Variants in RERE observed in about 807,000 individuals in gnomAD.
RERE encodes the protein arginine-glutamic acid dipeptide repeats.
RERE carries 40 observed loss-of-function variants against 146.1 expected under a neutral mutation model. That is an observed-to-expected ratio of 0.27 (90% CI 0.21 to 0.36). The LOEUF (loss-of-function observed/expected upper bound fraction) is 0.36. RERE is among the 10% of genes least tolerant of loss of function. The probability of loss-of-function intolerance (pLI) is 1.00; values close to 1 mark genes in which losing one functional copy is unlikely to be tolerated. For synonymous variants in RERE, 1,003 were observed against 866.0 expected, an observed-to-expected ratio of 1.16 and a Z score of -2.78; for missense variants, 1,933 against 2,138.7, an observed-to-expected ratio of 0.90 and a Z score of 1.90.
intron 1 of RERE, among the ~76,000 whole-genome samples, chr1:8,701,195 G>T (rs944415213): frequency 2.0e-5 from 3 of 151,800 alleles, no homozygotes; most frequent in African/African-American, 7.3e-5. Context: ...TACGTTGATG[G>T]GGTTTACCAT....
chr1:8,360,675 G>A lies in RERE; in HGVS notation c.2832C>T (p.Ala944=), dbSNP rs149356659. The stretch of plus-strand genomic sequence containing the variant: ...CCGAGAGGTGGGGAGGGTGCTTGTG[G>A]GCCTGTGGCGCCGGCAGCTGGGGGA... ...TPIPQLPAPQ[A]HKHPPHLSGP... is the part of the protein sequence containing the mutation. The change falls in exon 18 of 23, where the codon GCC becomes GCT. Residue 944 remains alanine (A), a synonymous_variant. Transcript: ENST00000400908. 171 of 1,548,750 alleles carry A rather than the reference G, an allele frequency of 1.1e-4. No individual in the cohort carries two copies. Among genetic ancestry groups the A allele is most frequent in the Non-Finnish European group, 1.4e-4 (162 of 1,148,764 alleles).
rs1641297940 is a variant in RERE at position 8,356,475 on chromosome 1, T to G, written c.4340-229A>C. ...ACGAGCCCACCGCTGATGCAGGCAC[T>G]CCCTCGTCCGCTTGTGGAGTGCCCC... On this transcript the variant is annotated intron_variant, in intron 20 of 22. Transcript: ENST00000400908. This position sits in a 1 kb window ranked among gnomAD's most constrained non-coding sequence, Gnocchi z 5.2. Among the ~76,000 whole-genome samples the G allele has an allele frequency of 6.6e-6, 1 of 152,022 alleles. No individual in the cohort carries two copies. The highest frequency in any genetic ancestry group is 2.4e-5 in the African/African-American group (1 of 41,392).
chr1:8,434,224 A>G (rs1012726405), intron 11 of RERE, among the ~76,000 whole-genome samples: 17 of 152,188 alleles, frequency 1.1e-4, no homozygotes, highest in Non-Finnish European at 1.9e-4. Context: ...CAAGAGTCCA[A>G]CAGCCCCTCA....
chr1:8,366,553 A>C (rs562356866), intron 12 of RERE, among the ~76,000 whole-genome samples: 4 of 152,340 alleles, frequency 2.6e-5, no homozygotes, highest in Admixed American at 2.0e-4. Context: ...CATGCTCAGG[A>C]AACTGCTCCA....
chr1:8,558,616 G>A (rs1285327634), intron 4 of RERE, among the ~76,000 whole-genome samples: 1 of 152,128 alleles, frequency 6.6e-6, no homozygotes, highest in African/African-American at 2.4e-5. Flanking sequence ...AATGAAGGAA[G>A]ATGCTTCCTG....
chr1:8,677,751 G>A (rs1173449800), intron 1 of RERE, among the ~76,000 whole-genome samples: 7 of 152,106 alleles, frequency 4.6e-5, no homozygotes, highest in Admixed American at 3.9e-4. Context: ...ATAATATGAC[G>A]TATCTCATGG....
intron 12 of RERE, among the ~76,000 whole-genome samples, chr1:8,388,543 T>A (rs1642766318): frequency 2.0e-5 from 3 of 152,030 alleles, no homozygotes; most frequent in African/African-American, 7.3e-5. Context: ...ATGGTCTCGA[T>A]CTCCTGACCT....
chr1:8,632,048 C>T (rs1460828179), intron 2 of RERE, among the ~76,000 whole-genome samples: 1 of 152,206 alleles, frequency 6.6e-6, no homozygotes, highest in Non-Finnish European at 1.5e-5. Context: ...AAAAACTATG[C>T]TCTGAACCCT....
intron 7 of RERE, among the ~76,000 whole-genome samples, chr1:8,528,485 A>AT (rs1645597482): frequency 6.6e-6 from 1 of 152,180 alleles, no homozygotes; most frequent in Non-Finnish European, 1.5e-5. Flanking sequence ...GTTCTTGGGA[A>AT]TACACACTAA....
chr1:8,502,740 C>T (rs1475571003), intron 8 of RERE, among the ~76,000 whole-genome samples: 2 of 149,316 alleles, frequency 1.3e-5, no homozygotes, highest in South Asian at 2.1e-4. Flanking sequence ...TTGTTCTGTA[C>T]TAAGAAAAAT....
intron 11 of RERE, among the ~76,000 whole-genome samples, chr1:8,435,870 A>G (rs1218475258): frequency 2.0e-5 from 3 of 152,236 alleles, no homozygotes; most frequent in Non-Finnish European, 4.4e-5. Context: ...CCCAACAAAA[A>G]GTACTGCCAC....
intron 1 of RERE, chr1:8,750,299 C>T (rs987759045): frequency 1.8e-6 from 1 of 557,162 alleles, no homozygotes. Flanking sequence ...ATCAAGGTAA[C>T]GGAAGATGAG....
chr1:8,447,927 C>G (rs1406906998), intron 11 of RERE, among the ~76,000 whole-genome samples: 1 of 152,166 alleles, frequency 6.6e-6, no homozygotes, highest in Admixed American at 6.5e-5. Context: ...GATGATCTGA[C>G]TTGGATTCCT....
At chr1:8,452,451 C>T (rs889856634) in intron 11 of RERE, among the ~76,000 whole-genome samples, 1 of 152,212 alleles carries the variant, frequency 6.6e-6, no homozygotes, top group Non-Finnish European at 1.5e-5. Context: ...CTGCAGAGAT[C>T]TTAGCAGTGA....
intron 7 of RERE, among the ~76,000 whole-genome samples, chr1:8,509,798 A>G (rs1645309288): frequency 6.6e-6 from 1 of 152,228 alleles, no homozygotes; most frequent in African/African-American, 2.4e-5. Flanking sequence ...TGTCTATAAA[A>G]AAGGCAACAA....
intron 11 of RERE, among the ~76,000 whole-genome samples, chr1:8,457,792 T>C (rs538613780): frequency 6.6e-6 from 1 of 151,956 alleles, no homozygotes; most frequent in East Asian, 1.9e-4. Context: ...GTAGAGACGG[T>C]GTTTCGCTAT....
intron 1 of RERE, among the ~76,000 whole-genome samples, chr1:8,687,340 T>A (rs1639113401): frequency 6.6e-6 from 1 of 152,156 alleles, no homozygotes. Context: ...GAAGGGCTCT[T>A]AAGACTGTTC....
In RERE at chr1:8,354,939, A is replaced by T. The variant is rs1371790556; in HGVS notation, c.*148T>A. ...TCGACAAACGAACACTACTATGTGG[A>T]TACATTTTTAGTTGTGGGTTTTTAA... On this transcript the variant is annotated 3_prime_UTR_variant, in exon 23 of 23. Transcript: ENST00000400908. 3.0e-6 allele frequency: 2 copies of T among 672,166 alleles called. No individual in the cohort carries two copies. Among genetic ancestry groups the T allele is most frequent in the East Asian group, 5.4e-5 (2 of 37,044 alleles). 41.6% of individuals were successfully genotyped at this position (672,166 alleles called of 1,614,324 possible).
intron 3 of RERE, among the ~76,000 whole-genome samples, chr1:8,619,454 G>A (rs1035430030): frequency 6.6e-6 from 1 of 152,196 alleles, no homozygotes. Flanking sequence ...TTTGGTATAA[G>A]TAACAGCTGA....
Sources: allele counts gnomAD v4.1 joint callset (sites outside exome capture counted in the v4.1 genomes callset), GRCh38; gene constraint gnomAD v4.1.1; non-coding constraint Gnocchi (gnomAD v3.1); transcripts MANE v1.5; gene names NCBI Gene and HGNC (gene_info 2026-07-23, HGNC 2026-07-21).